CCDC85C: variants seen among roughly 807,000 people sequenced by gnomAD.
CCDC85C encodes the protein coiled-coil domain-containing protein 85C.
A neutral mutation model predicts 38.3 loss-of-function variants in CCDC85C; 18 were observed. The observed-to-expected ratio is 0.47, with a 90% CI of 0.33 to 0.70. The LOEUF (loss-of-function observed/expected upper bound fraction) is 0.70, where lower values mean the gene tolerates loss of function less well. Ranked by LOEUF, CCDC85C falls within the 30% of genes least tolerant of loss-of-function variation. CCDC85C has a pLI of 0.03. For synonymous variants in CCDC85C, 264 were observed against 293.8 expected (o/e 0.90, Z 1.04); for missense variants, 566 against 621.2 (o/e 0.91, Z 0.94).
At chr14:99,537,943 G>T in intron 1 of CCDC85C, among the ~76,000 whole-genome samples, 1 of 152,156 alleles carries the variant, frequency 6.6e-6, no homozygotes, top group Non-Finnish European at 1.5e-5. Context: ...TAACAGGAGG[G>T]CTCCCTGGAA....
At chr14:99,562,089 G>A (rs1242968783) in intron 1 of CCDC85C, among the ~76,000 whole-genome samples, 1 of 152,154 alleles carries the variant, frequency 6.6e-6, no homozygotes, top group South Asian at 2.1e-4. Flanking sequence ...TACCCCACAG[G>A]TGAGGACATG....
chr14:99,528,370 G>T (rs149529307), intron 2 of CCDC85C, among the ~76,000 whole-genome samples: 2 of 152,310 alleles, frequency 1.3e-5, no homozygotes, highest in East Asian at 3.9e-4. Flanking sequence ...CAGCTGAGCC[G>T]GAGTGGTTTT....
At chr14:99,554,507 G>A (rs1207493007) in intron 1 of CCDC85C, among the ~76,000 whole-genome samples, 1 of 152,206 alleles carries the variant, frequency 6.6e-6, no homozygotes, top group Non-Finnish European at 1.5e-5. Flanking sequence ...GGGGGTAAGC[G>A]CATGCTGGCA....
Position 99,509,868 on chromosome 14 carries a change from G to A in CCDC85C, c.*5378C>T. The A allele has an allele frequency of 2.0e-6, 1 of 498,462 alleles. No individual in the cohort carries two copies. 30.9% of individuals were successfully genotyped at this position (498,462 alleles called of 1,614,324 possible). A position where few individuals can be genotyped will look rare whatever the true frequency, so the allele number is the denominator to read the frequency against. On this transcript the variant is annotated 3_prime_UTR_variant, in exon 6 of 6. Coordinates refer to ENST00000380243, the MANE Select transcript of CCDC85C (RefSeq NM_001144995.2). ...CTAGGAAGAGGGGGCTGGGGCCAGG[G>A]CACAAGGGGGCTTCGGGTGCTGCCG...
rs7151187 is a variant in CCDC85C at position 99,515,740 on chromosome 14, A to T, written c.1171-405T>A. 3.7e-3 allele frequency among the ~76,000 whole-genome samples: 567 copies of T among 152,084 alleles called. 4 individuals are homozygous for T. The highest frequency in any genetic ancestry group is 0.013 in the African/African-American group (544 of 41,416). On this transcript the variant is annotated intron_variant, in intron 5 of 5. Transcript: ENST00000380243. ...TGGTGCTCAGCTGGGTCGAGCACGG[A>T]GCTCTCCTGGGCAGCCCCAGCCTGG...
chr14:99,506,788 A>G lies in CCDC85C; in HGVS notation c.*8458T>C, dbSNP rs1896986619. On this transcript the variant is annotated 3_prime_UTR_variant, in exon 6 of 6. Transcript: ENST00000380243. ...GAAGACGTTGCTCTGCTGGTCTCACATGGTCGGAAGGACTTGAGTGAAGTG... is the reference window on the plus strand; with the variant it reads ...GAAGACGTTGCTCTGCTGGTCTCACGTGGTCGGAAGGACTTGAGTGAAGTG... 7.3e-6 allele frequency: 3 copies of G among 408,464 alleles called. No homozygotes were observed. The highest frequency in any genetic ancestry group is 4.3e-5 in the South Asian group (2 of 46,134). 25.3% of individuals were successfully genotyped at this position (408,464 alleles called of 1,614,324 possible).
chr14:99,510,200 G>T lies in CCDC85C; in HGVS notation c.*5046C>A. The T allele has an allele frequency of 6.3e-7, 1 of 1,596,854 alleles. No individual in the cohort carries two copies. On this transcript the variant is annotated 3_prime_UTR_variant, in exon 6 of 6. Coordinates refer to ENST00000380243, the MANE Select transcript of CCDC85C (RefSeq NM_001144995.2). ...CTGCTGCCTTAGGTGAGGCTGAGCCGCCGGGCCCTGTGGATGCCACTGACC... is the reference window on the plus strand; with the variant it reads ...CTGCTGCCTTAGGTGAGGCTGAGCCTCCGGGCCCTGTGGATGCCACTGACC...
At chr14:99,599,120 T>A (rs1330537786) in intron 1 of CCDC85C, among the ~76,000 whole-genome samples, 1 of 152,158 alleles carries the variant, frequency 6.6e-6, no homozygotes, top group Non-Finnish European at 1.5e-5. Flanking sequence ...AAAAGACCTA[T>A]TCAGAGTTAG....
chr14:99,525,763 C>G (rs1169834352), intron 2 of CCDC85C, among the ~76,000 whole-genome samples: 1 of 152,230 alleles, frequency 6.6e-6, no homozygotes. Context: ...GACCACCAGA[C>G]TCGAAGCCCC....
chr14:99,559,589 G>C (rs541544800), intron 1 of CCDC85C, among the ~76,000 whole-genome samples: 1 of 152,106 alleles, frequency 6.6e-6, no homozygotes, highest in Non-Finnish European at 1.5e-5. Context: ...CCTCCAAACC[G>C]ATCACAACTT....
rs1595320509 is a variant in CCDC85C at position 99,504,578 on chromosome 14, G to C, written c.*10668C>G. 1 of 150,978 alleles carries C rather than the reference G, an allele frequency of 6.6e-6. No individual in the cohort carries two copies. Among genetic ancestry groups the C allele is most frequent in the Non-Finnish European group, 1.5e-5 (1 of 67,850 alleles). 9.4% of individuals were successfully genotyped at this position (150,978 alleles called of 1,614,324 possible). A position where few individuals can be genotyped will look rare whatever the true frequency, so the allele number is the denominator to read the frequency against. ...CAATTCTCCTGCCTCAGCCTCCCGA[G>C]TAGCTGGGATTACAGGCATGCACCA... On this transcript the variant is annotated 3_prime_UTR_variant, in exon 6 of 6. Transcript: ENST00000380243.
rs1285301697 is a variant in CCDC85C at position 99,507,454 on chromosome 14, A to G, written c.*7792T>C. On this transcript the variant is annotated 3_prime_UTR_variant, in exon 6 of 6. Coordinates refer to ENST00000380243, the MANE Select transcript of CCDC85C (RefSeq NM_001144995.2). ...GTAGCACACACCTGTAGTCCCAACT[A>G]CTTAGGAGTCTGAGATGGGAAGATC... 2 of 339,202 alleles carry G rather than the reference A, an allele frequency of 5.9e-6. No homozygotes were observed. Among genetic ancestry groups the G allele is most frequent in the Non-Finnish European group, 1.1e-5 (2 of 178,232 alleles). 21.0% of individuals were successfully genotyped at this position (339,202 alleles called of 1,614,324 possible). A position where few individuals can be genotyped will look rare whatever the true frequency, so the allele number is the denominator to read the frequency against.
intron 5 of CCDC85C, among the ~76,000 whole-genome samples, chr14:99,515,740 A>G (rs7151187): frequency 0.94 from 143,112 of 152,058 alleles, 67,990 homozygotes; most frequent in East Asian, 1. Flanking sequence ...TCGAGCACGG[A>G]GCTCTCCTGG....
Position 99,501,938 on chromosome 14 carries a change from C to T in CCDC85C, c.*13308G>A, listed in dbSNP as rs1456193972. ...GCTAGGATTTCAACAGTTTAAATAA[C>T]ATAAGTCATTTTCATTGGTGTAGCA... On this transcript the variant is annotated 3_prime_UTR_variant, in exon 6 of 6. Transcript: ENST00000380243. 1 of 308,034 alleles carries T rather than the reference C, an allele frequency of 3.2e-6. No individual in the cohort carries two copies. Among genetic ancestry groups the T allele is most frequent in the African/African-American group, 2.2e-5 (1 of 45,430 alleles). 19.1% of individuals were successfully genotyped at this position (308,034 alleles called of 1,614,324 possible). A position where few individuals can be genotyped will look rare whatever the true frequency, so the allele number is the denominator to read the frequency against.
At position 99,502,404 on chromosome 14, in the gene CCDC85C, A is replaced by G. The variant is rs375883312; in HGVS notation, c.*12842T>C. 2.5e-4 allele frequency: 405 copies of G among 1,607,652 alleles called. 1 individual carries two copies. Among genetic ancestry groups the G allele is most frequent in the Non-Finnish European group, 3.2e-4 (379 of 1,176,424 alleles). ...ACCAGGCATGCTAAGCGTTCTCGTGAGGGTGTTCCATGTTGAGATGATTCT... is the reference window on the plus strand; with the variant it reads ...ACCAGGCATGCTAAGCGTTCTCGTGGGGGTGTTCCATGTTGAGATGATTCT... On this transcript the variant is annotated 3_prime_UTR_variant, in exon 6 of 6. Coordinates refer to ENST00000380243, the MANE Select transcript of CCDC85C (RefSeq NM_001144995.2).
intron 2 of CCDC85C, among the ~76,000 whole-genome samples, chr14:99,528,320 C>G (rs1897427962): frequency 6.6e-6 from 1 of 152,220 alleles, no homozygotes; most frequent in African/African-American, 2.4e-5. Context: ...CTGCCCAGTG[C>G]CTTCCCTGGA....
chr14:99,540,142 C>G (rs550965049), intron 1 of CCDC85C, among the ~76,000 whole-genome samples: 24 of 127,404 alleles, frequency 1.9e-4, no homozygotes, highest in Admixed American at 1.9e-3. Flanking sequence ...GCGAGACTGT[C>G]TTTAAAAAAA....
At chr14:99,530,247 G>T (rs955958189) in intron 2 of CCDC85C, among the ~76,000 whole-genome samples, 3 of 152,200 alleles carry the variant, frequency 2.0e-5, no homozygotes, top group Non-Finnish European at 2.9e-5. Context: ...GAAAGAGGGG[G>T]TTTCCTCCCT....
intron 2 of CCDC85C, among the ~76,000 whole-genome samples, chr14:99,529,994 C>A (rs1050156404): frequency 6.6e-5 from 10 of 152,208 alleles, no homozygotes; most frequent in Admixed American, 3.3e-4. Context: ...AACTGAGGTG[C>A]AGAGAGGTTA....
Sources: allele counts gnomAD v4.1 joint callset (sites outside exome capture counted in the v4.1 genomes callset), GRCh38; gene constraint gnomAD v4.1.1; transcripts MANE v1.5; gene names NCBI Gene and HGNC (gene_info 2026-07-23, HGNC 2026-07-21).